PHF24: variants seen among roughly 807,000 people sequenced by gnomAD.
The protein encoded by PHF24 is PHD finger protein 24, also known as Galpha inhibitory interacting protein.
PHF24 carries 25 observed loss-of-function variants against 42.6 expected under a neutral mutation model. The observed-to-expected ratio is 0.59, with a 90% confidence interval of 0.43 to 0.82. PHF24 has a LOEUF of 0.82. Among genes scored for constraint, PHF24 ranks in the 40% least tolerant of loss-of-function variants. The pLI is 0.00. For missense variants in PHF24, 470 were observed against 538.1 expected (o/e 0.87, Z 1.25); for synonymous variants, 185 against 204.8 (o/e 0.90, Z 0.83).
the PHF24 span, among the ~76,000 whole-genome samples, chr9:34,849,970 C>G: frequency 6.6e-6 from 1 of 152,148 alleles, no homozygotes; most frequent in African/African-American, 2.4e-5. Context: ...CTGAGAGATC[C>G]GCTGTTAGTC....
At chr9:34,756,095 G>A in the PHF24 span, among the ~76,000 whole-genome samples, 1 of 151,908 alleles carries the variant, frequency 6.6e-6, no homozygotes, top group African/African-American at 2.4e-5. Context: ...TTAATTTTGA[G>A]TTGATCTCTT....
the PHF24 span, among the ~76,000 whole-genome samples, chr9:34,699,412 G>A: frequency 6.6e-6 from 1 of 152,226 alleles, no homozygotes; most frequent in Non-Finnish European, 1.5e-5. Flanking sequence ...TGTACACTTT[G>A]CCTAGAAGAA....
the PHF24 span, among the ~76,000 whole-genome samples, chr9:34,865,839 A>C: frequency 1.3e-5 from 2 of 152,232 alleles, no homozygotes; most frequent in African/African-American, 4.8e-5. Flanking sequence ...TGAGAACTTC[A>C]GTTCCTCACT....
chr9:34,933,764 T>G, the PHF24 span, among the ~76,000 whole-genome samples: 3 of 150,436 alleles, frequency 2.0e-5, no homozygotes, highest in African/African-American at 7.3e-5. Flanking sequence ...TGGAGGCAAC[T>G]GAAGTTAGAG....
At chr9:34,845,286 A>G in the PHF24 span, among the ~76,000 whole-genome samples, 5 of 152,114 alleles carry the variant, frequency 3.3e-5, no homozygotes, top group Admixed American at 1.3e-4. Flanking sequence ...CTGCCACTTT[A>G]TGTCTTTTCA....
At chr9:34,699,174 A>G in the PHF24 span, among the ~76,000 whole-genome samples, 1 of 152,252 alleles carries the variant, frequency 6.6e-6, no homozygotes, top group Non-Finnish European at 1.5e-5. Context: ...TGAATAAAGC[A>G]TGGCCAGATG....
chr9:34,977,393 C>T (rs1827234217), intron 6 of PHF24, 150 bp downstream of exon 6: 1 of 1,204,386 alleles, frequency 8.3e-7, no homozygotes, highest in Non-Finnish European at 1.2e-6. Flanking sequence ...GCCTACGGGC[C>T]AGGGCATAGG....
chr9:34,695,917 C>T, the PHF24 span, among the ~76,000 whole-genome samples: 1 of 151,694 alleles, frequency 6.6e-6, no homozygotes, highest in Non-Finnish European at 1.5e-5. Flanking sequence ...ATTGGCTTGC[C>T]CTTGATGAGG....
chr9:34,820,260 G>T, the PHF24 span, among the ~76,000 whole-genome samples: 1 of 151,784 alleles, frequency 6.6e-6, no homozygotes, highest in Non-Finnish European at 1.5e-5. Context: ...GGTTAAGGGG[G>T]TACATGTGCA....
chr9:34,837,494 T>A, the PHF24 span: 1 of 594,390 alleles, frequency 1.7e-6, no homozygotes, highest in African/African-American at 1.9e-5. Context: ...TTTTGGAACG[T>A]TTCCAAGGTA....
At chr9:34,769,069 T>G in the PHF24 span, among the ~76,000 whole-genome samples, 1 of 152,098 alleles carries the variant, frequency 6.6e-6, no homozygotes, top group Admixed American at 6.6e-5. Context: ...AGAAACAAAA[T>G]ATGTAAAACC....
At chr9:34,936,996 G>T in the PHF24 span, among the ~76,000 whole-genome samples, 1 of 149,256 alleles carries the variant, frequency 6.7e-6, no homozygotes, top group South Asian at 2.1e-4. Flanking sequence ...GCCCCCGCCA[G>T]GCCAGCCGCC....
chr9:34,893,549 C>T, the PHF24 span, among the ~76,000 whole-genome samples: 7 of 151,112 alleles, frequency 4.6e-5, no homozygotes, highest in African/African-American at 7.3e-5. Context: ...TGCAGTGAGC[C>T]GAGATTGTGC....
At chr9:34,760,685 C>A in the PHF24 span, among the ~76,000 whole-genome samples, 2 of 152,212 alleles carry the variant, frequency 1.3e-5, no homozygotes, top group African/African-American at 4.8e-5. Flanking sequence ...AGTCCTGCGA[C>A]GTCTCGGCCC....
the PHF24 span, chr9:34,690,273 C>T: frequency 6.2e-7 from 1 of 1,614,070 alleles, no homozygotes; most frequent in Non-Finnish European, 8.5e-7. Context: ...CACGATGTAC[C>T]CAGGGATGGG....
chr9:34,890,737 T>C, the PHF24 span, among the ~76,000 whole-genome samples: 3,215 of 152,342 alleles, frequency 0.021, 132 homozygotes, highest in East Asian at 0.19. Context: ...CCCTTGTTTT[T>C]ATGGGACTTC....
At chr9:34,894,970 TAG>T in the PHF24 span, 1 of 398,190 alleles carries the variant, frequency 2.5e-6, no homozygotes, top group African/African-American at 2.1e-5. Flanking sequence ...GCAGGGGTCA[TAG>T]AGGGTCAGGA....
chr9:34,731,831 A>G, the PHF24 span, among the ~76,000 whole-genome samples: 3 of 151,936 alleles, frequency 2.0e-5, no homozygotes, highest in African/African-American at 7.3e-5. Flanking sequence ...TTGCTGGATC[A>G]TATAGTAGTT....
chr9:34,709,668 T>C, the PHF24 span: 29 of 1,613,984 alleles, frequency 1.8e-5, no homozygotes, highest in Non-Finnish European at 2.5e-5. Context: ...CTGAGAGCGC[T>C]TGCGGGGCAA....
Sources: gnomAD v4.1 joint callset for allele counts (sites outside exome capture counted in the v4.1 genomes callset) on GRCh38, gnomAD v4.1.1 for gene constraint, MANE v1.5 for transcripts, NCBI Gene and HGNC (gene_info 2026-07-23, HGNC 2026-07-21) for gene names.